The following SDK2 variants were observed in gnomAD, a reference collection of about 807,000 sequenced individuals.
The protein encoded by SDK2 is protein sidekick-2.
SDK2 carries 105 observed loss-of-function variants against 253.9 expected under a neutral mutation model. That is an observed-to-expected ratio of 0.41 (90% confidence interval 0.35 to 0.49). SDK2 has a LOEUF of 0.49. SDK2 is among the 20% of genes least tolerant of loss of function. The pLI, the probability that SDK2 is intolerant of heterozygous loss-of-function variation, is 0.06. For missense variants in SDK2, 2,608 were observed against 3,003.0 expected (o/e 0.87, Z 3.07); for synonymous variants, 1,249 against 1,234.9 (o/e 1.01, Z -0.24).
intron 2 of SDK2, among the ~76,000 whole-genome samples, chr17:73,499,743 A>T (rs1427172368): frequency 1.3e-5 from 2 of 152,106 alleles, no homozygotes; most frequent in Non-Finnish European, 2.9e-5. Context: ...CAGGTTCTTC[A>T]TTTGCAGAAT....
At position 73,467,834 on chromosome 17, in the gene SDK2, G is replaced by A. The variant is rs1337586094; in HGVS notation, c.331+4278C>T. Among the ~76,000 whole-genome samples, 1 of 152,210 alleles carries A rather than the reference G, an allele frequency of 6.6e-6. No homozygotes were observed. Reference sequence around the variant, plus strand: ...GAGGAAACAGCTTCACACCTGCAAAGCCGTGCACAGTAGCAGATGCAGCTT... The same window carrying A: ...GAGGAAACAGCTTCACACCTGCAAAACCGTGCACAGTAGCAGATGCAGCTT... On this transcript the variant is annotated intron_variant, in intron 3 of 44. Transcript: ENST00000392650. This position sits in a 1 kb window ranked among gnomAD's most constrained non-coding sequence, Gnocchi z 4.1.
chr17:73,395,077 C>T lies in SDK2; in HGVS notation c.3592+78G>A, dbSNP rs568583229. On this transcript the variant is annotated intron_variant, in intron 25 of 44. Coordinates refer to ENST00000392650, the MANE Select transcript of SDK2 (RefSeq NM_001144952.2). The surrounding 1 kb of genome is among the most constrained non-coding windows in gnomAD (Gnocchi z 4.3). ...TTTGAACAACACCTTCAGCCTGGCA[C>T]GCGCTTGGATGACCCTGAGGGCATA... The T allele has an allele frequency of 5.0e-5, 56 of 1,123,484 alleles. No homozygotes were observed. Among genetic ancestry groups the T allele is most frequent in the Middle Eastern group, 2.9e-4 (1 of 3,432 alleles). The allele number at this position is 1,123,484 out of a possible 1,614,324, so 69.6% of individuals were successfully genotyped here.
chr17:73,466,332 T>C (rs2063597090), intron 3 of SDK2, among the ~76,000 whole-genome samples: 1 of 152,228 alleles, frequency 6.6e-6, no homozygotes, highest in African/African-American at 2.4e-5. Flanking sequence ...TTTGTGTGCG[T>C]TGATACCATA....
intron 1 of SDK2, among the ~76,000 whole-genome samples, chr17:73,606,055 G>C (rs912619287): frequency 6.6e-6 from 1 of 152,168 alleles, no homozygotes. Context: ...GTGCTGATGG[G>C]ATCTCACTAG....
At position 73,455,772 on chromosome 17, in the gene SDK2, C is replaced by T. The variant is rs1446421681; in HGVS notation, c.479+134G>A. On this transcript the variant is annotated intron_variant, in intron 4 of 44. Coordinates refer to ENST00000392650, the MANE Select transcript of SDK2 (RefSeq NM_001144952.2). This position sits in a 1 kb window ranked among gnomAD's most constrained non-coding sequence, Gnocchi z 5.0. Reference sequence around the variant, plus strand: ...AGCCCCTGGGAGGTCCCCTACCTGGCTGTGTCCCACAGGAGCTGAAAGGGG... The same window carrying T: ...AGCCCCTGGGAGGTCCCCTACCTGGTTGTGTCCCACAGGAGCTGAAAGGGG... 6.9e-6 allele frequency: 7 copies of T among 1,016,644 alleles called. No individual in the cohort carries two copies. Among genetic ancestry groups the T allele is most frequent in the Non-Finnish European group, 9.6e-6 (7 of 732,136 alleles). The allele number at this position is 1,016,644 out of a possible 1,614,324, so 63.0% of individuals were successfully genotyped here.
At chr17:73,460,285 C>A (rs1330421777) in intron 3 of SDK2, among the ~76,000 whole-genome samples, 1 of 152,174 alleles carries the variant, frequency 6.6e-6, no homozygotes, top group Non-Finnish European at 1.5e-5. Flanking sequence ...ACAGCCAGCA[C>A]CAACGCTGGA....
In SDK2 at chr17:73,554,773, C is replaced by T. The variant is rs117693440; in HGVS notation, c.65-47176G>A. 9.7e-3 allele frequency among the ~76,000 whole-genome samples: 1,472 copies of T among 152,354 alleles called. 4 individuals are homozygous for T. Among genetic ancestry groups the T allele is most frequent in the Middle Eastern group, 0.017 (5 of 294 alleles). ...GTATGTCAAGTCCTGGCTCAAAGTC[C>T]ACCTTCTCCAGGAAGCCAGCTGTGC... is the stretch of plus-strand genomic sequence containing the variant. On this transcript the variant is annotated intron_variant, in intron 1 of 44. Transcript: ENST00000392650.
intron 1 of SDK2, among the ~76,000 whole-genome samples, chr17:73,594,880 T>C (rs1456843668): frequency 2.0e-5 from 3 of 151,450 alleles, no homozygotes; most frequent in Admixed American, 6.6e-5. Flanking sequence ...AGCACATACA[T>C]AGCACACACC....
At chr17:73,343,294 C>A (rs1429857312) in intron 44 of SDK2, among the ~76,000 whole-genome samples, 1 of 152,230 alleles carries the variant, frequency 6.6e-6, no homozygotes, top group African/African-American at 2.4e-5. Flanking sequence ...GCCAGGCAGG[C>A]GAGAGTCTGG....
intron 4 of SDK2, among the ~76,000 whole-genome samples, chr17:73,454,646 T>C (rs1599581655): frequency 6.6e-6 from 1 of 152,164 alleles, no homozygotes; most frequent in Non-Finnish European, 1.5e-5. Flanking sequence ...CTTAGCTCAG[T>C]CCTCAGGACA....
chr17:73,470,472 C>A (rs2063641637), intron 3 of SDK2, among the ~76,000 whole-genome samples: 10 of 152,216 alleles, frequency 6.6e-5, no homozygotes, highest in Admixed American at 5.9e-4. Context: ...AGAGGCCCAG[C>A]CTCAGCTTCC....
chr17:73,339,767 G>A (rs765984043), intron 44 of SDK2, among the ~76,000 whole-genome samples: 2 of 152,176 alleles, frequency 1.3e-5, no homozygotes, highest in Non-Finnish European at 2.9e-5. Context: ...ATGTTGCCCA[G>A]GCTGGTCTAG....
At chr17:73,636,574 G>C (rs575271035) in intron 1 of SDK2, among the ~76,000 whole-genome samples, 1 of 151,154 alleles carries the variant, frequency 6.6e-6, no homozygotes, top group Admixed American at 6.6e-5. Context: ...CTAGCTACTC[G>C]GGAGGCTGGG....
chr17:73,590,045 A>T (rs1221888783), intron 1 of SDK2, among the ~76,000 whole-genome samples: 2 of 152,262 alleles, frequency 1.3e-5, no homozygotes, highest in Non-Finnish European at 2.9e-5. Flanking sequence ...CAGAAAGGAT[A>T]CAGCCAGTTA....
At position 73,355,811 on chromosome 17, in the gene SDK2, C is replaced by T. The variant is rs1213638883; in HGVS notation, c.5593+2268G>A. ...AATAAATAAATGGAACCTTTCCTCC[C>T]TGGCCTTTTCATAGCATTAGCTGCC... On this transcript the variant is annotated intron_variant, in intron 40 of 44. Transcript: ENST00000392650. Among the ~76,000 whole-genome samples the T allele has an allele frequency of 3.3e-5, 5 of 152,210 alleles. No individual in the cohort carries two copies. In the East Asian group the frequency reaches 9.6e-4, roughly 29 times the overall value.
Position 73,355,159 on chromosome 17 carries a change from C to CATATATATATATATATATATATATAT in SDK2, c.5594-2523_5594-2522insATATATATATATATATATATATATAT, listed in dbSNP as rs1555750469. On this transcript the variant is annotated intron_variant, in intron 40 of 44. Transcript: ENST00000392650. Reference sequence around the variant, plus strand: ...TTTGAGCCTCTGCCTCCTACACCTCCATATATATATATATATTTTTTTTTT... The same window carrying CATATATATATATATATATATATATAT: ...TTTGAGCCTCTGCCTCCTACACCTCCATATATATATATATATATATATATATATATATATATATATATTTTTTTTTT... Among the ~76,000 whole-genome samples, 82 of 48,390 alleles carry CATATATATATATATATATATATATAT rather than the reference C, an allele frequency of 1.7e-3. 16 individuals carry two copies. In the East Asian group the frequency reaches 0.024, roughly 14 times the overall value. 31.7% of individuals were successfully genotyped at this position (48,390 alleles called of 152,430 possible). A position where few individuals can be genotyped will look rare whatever the true frequency, so the allele number is the denominator to read the frequency against.
At chr17:73,556,569 T>A (rs2145844777) in intron 1 of SDK2, among the ~76,000 whole-genome samples, 1 of 152,382 alleles carries the variant, frequency 6.6e-6, no homozygotes, top group Middle Eastern at 3.4e-3. Context: ...ATGATTCTTC[T>A]TTTAAGCACA....
chr17:73,596,110 C>G (rs925397930), intron 1 of SDK2, among the ~76,000 whole-genome samples: 1 of 152,188 alleles, frequency 6.6e-6, no homozygotes, highest in Admixed American at 6.5e-5. Context: ...CAGGGATGCA[C>G]ACACAGGGAG....
At chr17:73,623,625 T>C (rs1460540027) in intron 1 of SDK2, among the ~76,000 whole-genome samples, 1 of 152,120 alleles carries the variant, frequency 6.6e-6, no homozygotes, top group Admixed American at 6.5e-5. Flanking sequence ...AGAGCACAGA[T>C]TGTCTTCTCT....
Sources: gnomAD v4.1 joint callset for allele counts (sites outside exome capture counted in the v4.1 genomes callset) on GRCh38, gnomAD v4.1.1 for gene constraint, Gnocchi (gnomAD v3.1) non-coding constraint, MANE v1.5 for transcripts, NCBI Gene and HGNC (gene_info 2026-07-23, HGNC 2026-07-21) for gene names.